Variants in CAMK2B observed in about 807,000 individuals in gnomAD.
CAMK2B encodes calcium/calmodulin dependent protein kinase II beta.
Under a neutral mutation model 93.7 loss-of-function variants are expected in CAMK2B, and 27 were observed. That is an observed-to-expected ratio of 0.29 (90% CI 0.21 to 0.40). The LOEUF is 0.40. Among genes scored for constraint, CAMK2B ranks in the 10% least tolerant of loss-of-function variants. The pLI is 1.00. For missense variants in CAMK2B, 568 were observed against 895.8 expected, an observed-to-expected ratio of 0.63 and a Z score of 4.67; for synonymous variants, 374 against 358.8, an observed-to-expected ratio of 1.04 and a Z score of -0.48.
At chr7:44,299,543 A>G (rs1461353269) in intron 1 of CAMK2B, among the ~76,000 whole-genome samples, 1 of 152,216 alleles carries the variant, frequency 6.6e-6, no homozygotes, top group Non-Finnish European at 1.5e-5. Context: ...TTTTATGTAT[A>G]TATGACACAA....
intron 16 of CAMK2B, 117 bp downstream of exon 16, chr7:44,232,705 G>A: frequency 3.6e-6 from 3 of 838,980 alleles, no homozygotes; most frequent in Non-Finnish European, 5.4e-6. Context: ...TGCGGGGAGG[G>A]GCGGCCAGGG....
At chr7:44,306,934 GAA>G (rs1480178765) in intron 1 of CAMK2B, among the ~76,000 whole-genome samples, 3 of 125,162 alleles carry the variant, frequency 2.4e-5, no homozygotes, top group South Asian at 3.1e-4. Context: ...GTGTGAGCAG[GAA>G]GAGAAGGGGG....
chr7:44,229,487 CG>C lies in CAMK2B; in HGVS notation c.1239del (p.Asp414ThrfsTer3). On this transcript the variant is annotated frameshift_variant, in exon 18 of 24. Transcript: ENST00000395749. LOFTEE classifies it high-confidence loss of function. ...EDEDAKAPRV[P>X]DILSSVRRGS... ...CCCCTCCTCACTGAGCTCAGGATGTCGGGGACCCTGGGGGCTGAGGCGGAAC... is the reference window on the plus strand; with the variant it reads ...CCCCTCCTCACTGAGCTCAGGATGTCGGGACCCTGGGGGCTGAGGCGGAAC... 6.9e-7 allele frequency: 1 copy of C among 1,441,140 alleles called. No homozygotes were observed. Among genetic ancestry groups the C allele is most frequent in the Non-Finnish European group, 9.1e-7 (1 of 1,095,856 alleles). 89.3% of individuals were successfully genotyped at this position (1,441,140 alleles called of 1,614,324 possible). A position where few individuals can be genotyped will look rare whatever the true frequency, so the allele number is the denominator to read the frequency against.
rs550390512 is a variant in CAMK2B at position 44,246,802 on chromosome 7, C to T, written c.414+318G>A. On this transcript the variant is annotated intron_variant, in intron 6 of 23. Coordinates refer to ENST00000395749, the MANE Select transcript of CAMK2B (RefSeq NM_001220.5). The stretch of plus-strand genomic sequence containing the variant: ...GTACACACGAACCTCCATGTACACA[C>T]GTATGCACATGCACACACATACTTC... Among the ~76,000 whole-genome samples, 7 of 152,292 alleles carry T rather than the reference C, an allele frequency of 4.6e-5. No individual in the cohort carries two copies. The East Asian group carries it at 9.6e-4, about 21-fold the overall frequency.
chr7:44,241,686 G>A lies in CAMK2B; in HGVS notation c.903+14C>T. The A allele has an allele frequency of 6.2e-7, 1 of 1,605,612 alleles. No homozygotes were observed. Among genetic ancestry groups the A allele is most frequent in the South Asian group, 1.1e-5 (1 of 90,886 alleles). On this transcript the variant is annotated intron_variant, in intron 11 of 23. Transcript: ENST00000395749. ...AAGCATGGCCGTGCCTGGGACTAGG[G>A]GCCAGGGCCTCACCTTGAGCTTTCT...
At chr7:44,269,687 G>A (rs539514023) in intron 2 of CAMK2B, among the ~76,000 whole-genome samples, 1 of 152,240 alleles carries the variant, frequency 6.6e-6, no homozygotes, top group Admixed American at 6.5e-5. Flanking sequence ...GGCACTGGGC[G>A]GGGGCGGCGG....
At chr7:44,219,938 C>G (rs2096378044) in intron 23 of CAMK2B, 122 bp downstream of exon 23, 1 of 781,596 alleles carries the variant, frequency 1.3e-6, no homozygotes, top group Admixed American at 2.9e-5. Flanking sequence ...CAGGAAAGCT[C>G]AGGGACTTCC....
rs1793901038 is a variant in CAMK2B, at chr7:44,312,823, AG to A, written c.65+12533del. On this transcript the variant is annotated intron_variant, in intron 1 of 23. Transcript: ENST00000395749. This position sits in a 1 kb window ranked among gnomAD's most constrained non-coding sequence, Gnocchi z 4.1. ...GTAAGAATAAAATGAACCTGGCCTCAGGCATGCAGAGGAGTTGTGAAAAGCA... is the reference window on the plus strand; with the variant it reads ...GTAAGAATAAAATGAACCTGGCCTCAGCATGCAGAGGAGTTGTGAAAAGCA... Among the ~76,000 whole-genome samples, 1 of 152,198 alleles carries A rather than the reference AG, an allele frequency of 6.6e-6. No homozygotes were observed. Among genetic ancestry groups the A allele is most frequent in the Non-Finnish European group, 1.5e-5 (1 of 68,030 alleles).
intron 2 of CAMK2B, among the ~76,000 whole-genome samples, chr7:44,273,252 A>C (rs1301080727): frequency 6.6e-6 from 1 of 152,120 alleles, no homozygotes; most frequent in Non-Finnish European, 1.5e-5. Flanking sequence ...CTGCCTCCCC[A>C]GCCCCTGCCT....
chr7:44,289,015 C>A (rs936018578), intron 1 of CAMK2B, among the ~76,000 whole-genome samples: 3 of 152,292 alleles, frequency 2.0e-5, no homozygotes, highest in African/African-American at 7.2e-5. Context: ...GATGCCCCAT[C>A]CGCCTCTGTC....
intron 20 of CAMK2B, among the ~76,000 whole-genome samples, chr7:44,221,857 G>C (rs2096411608): frequency 6.6e-6 from 1 of 152,226 alleles, no homozygotes; most frequent in Non-Finnish European, 1.5e-5. Context: ...GGAAGATGTG[G>C]AGAGAATAAT....
rs1421367385 is a variant in CAMK2B, at chr7:44,220,867, C to T, written c.1632G>A (p.Gln544=). ...CACCGTTGTTGACGGCCTCGATGAGCTGCTCCGTGGTCTTAATGATCTCCT... is the reference window on the plus strand; with the variant it reads ...CACCGTTGTTGACGGCCTCGATGAGTTGCTCCGTGGTCTTAATGATCTCCT... The part of the protein sequence containing the change: ...RKQEIIKTTE[Q]LIEAVNNGDF... Residue 544 remains glutamine (Q), a synonymous_variant, in exon 21 of 24, where the codon CAG becomes CAA. Coordinates refer to ENST00000395749, the MANE Select transcript of CAMK2B (RefSeq NM_001220.5). The T allele has an allele frequency of 6.4e-7, 1 of 1,573,506 alleles. No homozygotes were observed. Among genetic ancestry groups the T allele is most frequent in the East Asian group, 2.3e-5 (1 of 42,972 alleles).
intron 1 of CAMK2B, among the ~76,000 whole-genome samples, chr7:44,302,048 C>T (rs1790204303): frequency 6.6e-6 from 1 of 151,970 alleles, no homozygotes; most frequent in African/African-American, 2.4e-5. Flanking sequence ...ATTACTAATA[C>T]CAGAAATAAA....
At chr7:44,237,983 T>C (rs1165505611) in intron 13 of CAMK2B, among the ~76,000 whole-genome samples, 1 of 152,154 alleles carries the variant, frequency 6.6e-6, no homozygotes, top group African/African-American at 2.4e-5. Context: ...TGAAGCACAC[T>C]CGACAGACGG....
chr7:44,224,070 A>G lies in CAMK2B; in HGVS notation c.1597+2446T>C, dbSNP rs994489519. ...AGTGCTTTTAAACAAATTGTAATTA[A>G]AATGGGAGTTGATGGGAAGAGAAAG... On this transcript the variant is annotated intron_variant, in intron 20 of 23. Coordinates refer to ENST00000395749, the MANE Select transcript of CAMK2B (RefSeq NM_001220.5). This position sits in a 1 kb window ranked among gnomAD's most constrained non-coding sequence, Gnocchi z 4.4. 6.6e-6 allele frequency among the ~76,000 whole-genome samples: 1 copy of G among 152,256 alleles called. No homozygotes were observed. The highest frequency in any genetic ancestry group is 2.4e-5 in the African/African-American group (1 of 41,462).
At chr7:44,275,831 G>A (rs2097030681) in intron 2 of CAMK2B, among the ~76,000 whole-genome samples, 1 of 152,090 alleles carries the variant, frequency 6.6e-6, no homozygotes, top group South Asian at 2.1e-4. Flanking sequence ...AACTCCTTCT[G>A]TACCTGGATG....
chr7:44,243,677 C>T (rs2128972604), intron 6 of CAMK2B, 150 bp from the exon 7 acceptor site: 2 of 649,004 alleles, frequency 3.1e-6, no homozygotes, highest in South Asian at 1.8e-5. Flanking sequence ...GTCTGCAGGG[C>T]ATGGCTGAGC....
intron 2 of CAMK2B, among the ~76,000 whole-genome samples, chr7:44,281,865 G>A (rs2097104937): frequency 1.3e-5 from 2 of 152,132 alleles, no homozygotes; most frequent in African/African-American, 4.8e-5. Flanking sequence ...TCCCGGCCAG[G>A]GGCCACCTCC....
rs1390567094 is a variant in CAMK2B, at chr7:44,286,888, C to T, written c.66-2663G>A. ...TGTGGAGTGGGAGCACCAGGCCGCACAGCTGTAGTGACATAGGATGTGGCA... is the reference window on the plus strand; with the variant it reads ...TGTGGAGTGGGAGCACCAGGCCGCATAGCTGTAGTGACATAGGATGTGGCA... On this transcript the variant is annotated intron_variant, in intron 1 of 23. Transcript: ENST00000395749. The surrounding 1 kb of genome is among the most constrained non-coding windows in gnomAD (Gnocchi z 4.0). 1.3e-5 allele frequency among the ~76,000 whole-genome samples: 2 copies of T among 152,044 alleles called. No homozygotes were observed. The highest frequency in any genetic ancestry group is 6.5e-5 in the Admixed American group (1 of 15,286).
Sources: gnomAD v4.1 joint callset for allele counts (sites outside exome capture counted in the v4.1 genomes callset) on GRCh38, gnomAD v4.1.1 for gene constraint, Gnocchi (gnomAD v3.1) non-coding constraint, MANE v1.5 for transcripts, NCBI Gene and HGNC (gene_info 2026-07-23, HGNC 2026-07-21) for gene names.